Variants in SHISA6 observed in about 807,000 individuals in gnomAD.
SHISA6 encodes the protein protein shisa-6.
A neutral mutation model predicts 47.9 loss-of-function variants in SHISA6; 22 were observed. The ratio of observed to expected loss-of-function variants is 0.46; its 90% CI spans 0.33 to 0.66. The LOEUF is 0.66. Among genes scored for constraint, SHISA6 ranks in the 30% least tolerant of loss-of-function variants. The pLI, the probability that SHISA6 is intolerant of heterozygous loss-of-function variation, is 0.02. For missense variants in SHISA6, 680 were observed against 764.6 expected (o/e 0.89, Z 1.30); for synonymous variants, 388 against 337.8 (o/e 1.15, Z -1.63).
chr17:11,283,757 G>C (rs1344601141), intron 2 of SHISA6, among the ~76,000 whole-genome samples: 1 of 152,130 alleles, frequency 6.6e-6, no homozygotes, highest in Non-Finnish European at 1.5e-5. Flanking sequence ...GTGCAGTTTT[G>C]GATTTCAAGA....
At chr17:11,391,485 G>A (rs1461499986) in intron 3 of SHISA6, among the ~76,000 whole-genome samples, 1 of 152,146 alleles carries the variant, frequency 6.6e-6, no homozygotes, top group East Asian at 1.9e-4. Flanking sequence ...GAGCAAAGCA[G>A]CACGCAAAAA....
At position 11,557,856 on chromosome 17, in the gene SHISA6, A is replaced by G. The variant is rs2071996820; in HGVS notation, c.1208A>G (p.Lys403Arg). Residue 403 changes from lysine (K) to arginine (R), a missense_variant, in exon 6 of 6, where the codon AAG becomes AGG. Coordinates refer to ENST00000441885, the MANE Select transcript of SHISA6 (RefSeq NM_207386.4). ...AATGTCATCCAGATGTCCCAACAGAAGCCGTTGCCAAGGGAACGACCCCGC... is the reference window on the plus strand; with the variant it reads ...AATGTCATCCAGATGTCCCAACAGAGGCCGTTGCCAAGGGAACGACCCCGC... ...PLNVIQMSQQKPLPRERPRRP... is the reference protein window; with the variant it reads ...PLNVIQMSQQRPLPRERPRRP... The G allele has an allele frequency of 1.3e-6, 2 of 1,551,294 alleles. No individual in the cohort carries two copies.
chr17:11,452,019 C>T (rs563162626), intron 3 of SHISA6, among the ~76,000 whole-genome samples: 1 of 152,334 alleles, frequency 6.6e-6, no homozygotes, highest in South Asian at 2.1e-4. Context: ...ATCCACTGTG[C>T]AACTGCTTGA....
intron 2 of SHISA6, among the ~76,000 whole-genome samples, chr17:11,269,125 T>C (rs559678675): frequency 6.6e-6 from 1 of 151,638 alleles, no homozygotes; most frequent in Admixed American, 6.6e-5. Flanking sequence ...CATTGCAACC[T>C]CCACCTCCTG....
chr17:11,318,065 T>G (rs2049151067), intron 2 of SHISA6, among the ~76,000 whole-genome samples: 7 of 152,162 alleles, frequency 4.6e-5, no homozygotes, highest in Admixed American at 3.3e-4. Flanking sequence ...AGTAAATTTT[T>G]TTTATGTATT....
intron 2 of SHISA6, among the ~76,000 whole-genome samples, chr17:11,273,959 GTTC>G (rs1288322687): frequency 1.3e-5 from 2 of 152,220 alleles, no homozygotes; most frequent in Non-Finnish European, 2.9e-5. Context: ...AAGCACCTGT[GTTC>G]TTCTCCTGGG....
intron 2 of SHISA6, among the ~76,000 whole-genome samples, chr17:11,273,203 G>C (rs553427062): frequency 2.0e-5 from 3 of 152,224 alleles, no homozygotes; most frequent in Admixed American, 6.5e-5. Context: ...CAGCCAGGAG[G>C]GGGTGCTGAC....
At chr17:11,538,784 T>C (rs2071808626) in intron 3 of SHISA6, among the ~76,000 whole-genome samples, 1 of 152,176 alleles carries the variant, frequency 6.6e-6, no homozygotes, top group Admixed American at 6.5e-5. Context: ...TTTAACCTGG[T>C]GGTAGTTAAA....
At chr17:11,292,191 C>A (rs568619713) in intron 2 of SHISA6, among the ~76,000 whole-genome samples, 1 of 152,262 alleles carries the variant, frequency 6.6e-6, no homozygotes, top group Admixed American at 6.5e-5. Flanking sequence ...TTAATTACCT[C>A]TTTGATAACC....
chr17:11,347,866 A>G (rs1451547015), intron 2 of SHISA6, among the ~76,000 whole-genome samples: 3 of 152,264 alleles, frequency 2.0e-5, no homozygotes, highest in Middle Eastern at 3.4e-3. Context: ...CCTGGTGCTT[A>G]TGGGTTGTCC....
chr17:11,447,452 C>T (rs1237974058), intron 3 of SHISA6, among the ~76,000 whole-genome samples: 2 of 152,126 alleles, frequency 1.3e-5, no homozygotes, highest in African/African-American at 2.4e-5. Flanking sequence ...CACAGCTTCC[C>T]GGAACTGGCT....
At chr17:11,402,378 A>G (rs561139697) in intron 3 of SHISA6, among the ~76,000 whole-genome samples, 2 of 152,318 alleles carry the variant, frequency 1.3e-5, no homozygotes, top group East Asian at 3.9e-4. Flanking sequence ...ATTTGATTCC[A>G]TAATAATTCT....
At chr17:11,443,411 A>G (rs1915145430) in intron 3 of SHISA6, among the ~76,000 whole-genome samples, 1 of 152,232 alleles carries the variant, frequency 6.6e-6, no homozygotes, top group African/African-American at 2.4e-5. Flanking sequence ...GTGCTGCAAA[A>G]GAAACAATAA....
chr17:11,366,240 C>T (rs541153322), intron 2 of SHISA6, among the ~76,000 whole-genome samples: 14 of 152,304 alleles, frequency 9.2e-5, no homozygotes, highest in African/African-American at 1.4e-4. Context: ...CTCCACCTCC[C>T]GGGCTCAGGT....
chr17:11,549,551 AGAC>A (rs1395172743), intron 3 of SHISA6, among the ~76,000 whole-genome samples: 1 of 152,254 alleles, frequency 6.6e-6, no homozygotes, highest in Non-Finnish European at 1.5e-5. Flanking sequence ...ATCATTGTGA[AGAC>A]GAGTTTTTTT....
At chr17:11,397,804 G>A (rs1177857612) in intron 3 of SHISA6, among the ~76,000 whole-genome samples, 1 of 151,910 alleles carries the variant, frequency 6.6e-6, no homozygotes, top group African/African-American at 2.4e-5. Flanking sequence ...TAGGACATCA[G>A]AGTTGATGAT....
rs149375657 is a variant in SHISA6 at position 11,337,989 on chromosome 17, G to A, written c.800-41425G>A. Among the ~76,000 whole-genome samples the A allele has an allele frequency of 4.6e-5, 7 of 152,350 alleles. No homozygotes were observed. In the East Asian group the frequency reaches 1.4e-3, roughly 29 times the overall value. On this transcript the variant is annotated intron_variant, in intron 2 of 5. Coordinates refer to ENST00000441885, the MANE Select transcript of SHISA6 (RefSeq NM_207386.4). ...ACCTTTAGGAAGTCTTGGAAGAAGA[G>A]TGGTAGAGGGCATGTGTATCAATCA...
chr17:11,417,905 AAGG>A (rs758186048), intron 3 of SHISA6, among the ~76,000 whole-genome samples: 2 of 152,214 alleles, frequency 1.3e-5, no homozygotes, highest in Non-Finnish European at 2.9e-5. Context: ...GGAAGTTGAT[AAGG>A]AGATGTACTG....
intron 3 of SHISA6, among the ~76,000 whole-genome samples, chr17:11,455,290 A>T (rs1007278518): frequency 2.0e-5 from 3 of 152,234 alleles, no homozygotes; most frequent in African/African-American, 7.2e-5. Flanking sequence ...TGGAGATTTC[A>T]TATGGGATAA....
Sources: allele counts gnomAD v4.1 joint callset (sites outside exome capture counted in the v4.1 genomes callset), GRCh38; gene constraint gnomAD v4.1.1; transcripts MANE v1.5; gene names NCBI Gene and HGNC (gene_info 2026-07-23, HGNC 2026-07-21).